Variants in GADL1 observed in about 807,000 individuals in gnomAD.
The protein encoded by GADL1 is GAD like acidic amino acid decarboxylase 1, also known as acidic amino acid decarboxylase GADL1.
A neutral mutation model predicts 69.5 loss-of-function variants in GADL1; 71 were observed. That is an observed-to-expected ratio of 1.02 (90% CI 0.84 to 1.25). The LOEUF is 1.25. Ranked by LOEUF, GADL1 falls within the 50% of genes most tolerant of loss-of-function variation. GADL1 has a pLI of 0.00. For synonymous variants in GADL1, 254 were observed against 214.4 expected, an observed-to-expected ratio of 1.18 and a Z score of -1.62; for missense variants, 737 against 631.8, an observed-to-expected ratio of 1.17 and a Z score of -1.79.
At chr3:30,852,988 T>C (rs971103290) in intron 4 of GADL1, among the ~76,000 whole-genome samples, 24 of 152,164 alleles carry the variant, frequency 1.6e-4, no homozygotes, top group Admixed American at 1.2e-3. Flanking sequence ...GTGACGTCCA[T>C]GTAGCTAATC....
At chr3:30,749,067 C>T (rs1433107964) in intron 14 of GADL1, among the ~76,000 whole-genome samples, 1 of 152,108 alleles carries the variant, frequency 6.6e-6, no homozygotes, top group East Asian at 1.9e-4. Flanking sequence ...CTTCATGTAC[C>T]CTAGTCTGAC....
chr3:30,783,337 AAT>A (rs1266748396), intron 13 of GADL1, among the ~76,000 whole-genome samples: 2 of 152,224 alleles, frequency 1.3e-5, no homozygotes, highest in African/African-American at 2.4e-5. Context: ...AACACAGAAA[AAT>A]AGAGATGATT....
chr3:30,819,890 AAT>A (rs1240589819), intron 11 of GADL1, among the ~76,000 whole-genome samples: 1 of 152,128 alleles, frequency 6.6e-6, no homozygotes, highest in African/African-American at 2.4e-5. Context: ...GCAGAAAATT[AAT>A]AGTTCAATGA....
At chr3:30,763,812 CATA>C (rs1407461679) in intron 14 of GADL1, among the ~76,000 whole-genome samples, 3 of 152,058 alleles carry the variant, frequency 2.0e-5, no homozygotes, top group Admixed American at 1.3e-4. Flanking sequence ...ATATAGATAA[CATA>C]ATCCTTAGTC....
chr3:30,870,730 G>A (rs1698468439), intron 1 of GADL1, among the ~76,000 whole-genome samples: 1 of 151,564 alleles, frequency 6.6e-6, no homozygotes, highest in Non-Finnish European at 1.5e-5. Context: ...GCAAAGTGCT[G>A]CAACTTGGGA....
chr3:30,869,664 T>G (rs1344692796), intron 1 of GADL1, among the ~76,000 whole-genome samples: 1 of 151,842 alleles, frequency 6.6e-6, no homozygotes, highest in Non-Finnish European at 1.5e-5. Context: ...AGACGAGAAT[T>G]TTAATCATTT....
At chr3:30,829,309 C>T (rs1314751975) in intron 11 of GADL1, among the ~76,000 whole-genome samples, 2 of 151,752 alleles carry the variant, frequency 1.3e-5, no homozygotes, top group African/African-American at 4.8e-5. Context: ...TGAAGCAGTC[C>T]TATTTACTAA....
At chr3:30,861,546 A>G (rs1396524622) in intron 2 of GADL1, 47 bp downstream of exon 2, 1 of 1,392,448 alleles carries the variant, frequency 7.2e-7, no homozygotes, top group East Asian at 2.5e-5. Flanking sequence ...TTTGGGGAAC[A>G]TCTATCTTTC....
intron 1 of GADL1, among the ~76,000 whole-genome samples, chr3:30,879,360 A>G (rs1698614631): frequency 6.6e-6 from 1 of 151,852 alleles, no homozygotes; most frequent in Non-Finnish European, 1.5e-5. Context: ...CACTGGGAGG[A>G]CCAAGGGTAC....
chr3:30,857,286 T>C (rs1698244389), intron 2 of GADL1, 145 bp from the exon 3 acceptor site: 2 of 673,602 alleles, frequency 3.0e-6, no homozygotes, highest in Admixed American at 5.7e-5. Flanking sequence ...AAAGAACTAT[T>C]ACAGTAATGT....
chr3:30,786,774 AAG>A (rs376270605), intron 12 of GADL1, among the ~76,000 whole-genome samples: 18 of 152,160 alleles, frequency 1.2e-4, no homozygotes, highest in African/African-American at 3.9e-4. Context: ...GCTTGGAGGA[AAG>A]AGTTTTTTGT....
At chr3:30,836,348 C>T (rs1041487606) in intron 9 of GADL1, among the ~76,000 whole-genome samples, 1 of 150,594 alleles carries the variant, frequency 6.6e-6, no homozygotes, top group African/African-American at 2.4e-5. Context: ...CACCACTTCA[C>T]AAAGTACTTT....
At chr3:30,843,358 C>T (rs541630399) in intron 8 of GADL1, among the ~76,000 whole-genome samples, 1 of 150,524 alleles carries the variant, frequency 6.6e-6, no homozygotes, top group Admixed American at 6.6e-5. Context: ...TGGATTCAAG[C>T]GATTCTCCTG....
intron 13 of GADL1, chr3:30,779,155 C>T (rs1285612695): frequency 1.3e-5 from 2 of 152,140 alleles, no homozygotes; most frequent in African/African-American, 4.8e-5. Context: ...CCTCACTGGA[C>T]AAAAACATAG....
At chr3:30,747,593 T>A (rs1048348619) in intron 14 of GADL1, among the ~76,000 whole-genome samples, 5 of 152,234 alleles carry the variant, frequency 3.3e-5, no homozygotes, top group Non-Finnish European at 5.9e-5. Flanking sequence ...ATTTTCTGAA[T>A]CAAATGGATT....
chr3:30,828,795 A>ACT (rs1414130309), intron 11 of GADL1, among the ~76,000 whole-genome samples: 14 of 152,050 alleles, frequency 9.2e-5, no homozygotes, highest in African/African-American at 3.4e-4. Context: ...GCACATATAT[A>ACT]CTCTACTCTG....
At chr3:30,729,871 C>T (rs1338455749) in intron 14 of GADL1, among the ~76,000 whole-genome samples, 1 of 152,004 alleles carries the variant, frequency 6.6e-6, no homozygotes, top group Non-Finnish European at 1.5e-5. Context: ...AAACAAACAC[C>T]TATTCAGGAA....
At chr3:30,827,256 C>T (rs1697696370) in intron 11 of GADL1, among the ~76,000 whole-genome samples, 1 of 151,806 alleles carries the variant, frequency 6.6e-6, no homozygotes. Context: ...CCCATTCTGT[C>T]CTCAAGTAGC....
chr3:30,769,170 T>C (rs1696357366), intron 14 of GADL1, among the ~76,000 whole-genome samples: 1 of 152,078 alleles, frequency 6.6e-6, no homozygotes, highest in African/African-American at 2.4e-5. Context: ...AGGCTGAAAG[T>C]CACTCAGTCA....
Sources: allele counts gnomAD v4.1 joint callset (sites outside exome capture counted in the v4.1 genomes callset), GRCh38; gene constraint gnomAD v4.1.1; transcripts MANE v1.5; gene names NCBI Gene and HGNC (gene_info 2026-07-23, HGNC 2026-07-21).